Variants in PPP2R2C observed in about 807,000 individuals in gnomAD.
PPP2R2C encodes the protein protein phosphatase 2, regulatory subunit B, gamma.
PPP2R2C carries 10 observed loss-of-function variants against 45.3 expected under a neutral mutation model. That is an observed-to-expected ratio of 0.22 (90% confidence interval 0.14 to 0.37). The LOEUF is 0.37. Among genes scored for constraint, PPP2R2C ranks in the 10% least tolerant of loss-of-function variants. The pLI is 1.00. For missense variants in PPP2R2C, 308 were observed against 619.7 expected, an observed-to-expected ratio of 0.50 and a Z score of 5.34; for synonymous variants, 257 against 245.4, an observed-to-expected ratio of 1.05 and a Z score of -0.44.
At chr4:6,397,673 G>A (rs763437609) in intron 1 of PPP2R2C, among the ~76,000 whole-genome samples, 1 of 152,182 alleles carries the variant, frequency 6.6e-6, no homozygotes, top group African/African-American at 2.4e-5. Flanking sequence ...CCTACCAGGG[G>A]CAAGGCTCAC....
chr4:6,477,252 AG>A (rs1192051194), upstream of PPP2R2C, among the ~76,000 whole-genome samples: 1 of 152,178 alleles, frequency 6.6e-6, no homozygotes, highest in Non-Finnish European at 1.5e-5. Context: ...TCTCTTCAAA[AG>A]AAATTCTAGG....
rs747936921 is a variant in PPP2R2C at position 6,494,539 on chromosome 4, C to T, written c.49+40732G>A. On this transcript the variant is annotated intron_variant, in intron 2 of 9. Transcript: ENST00000506140. Reference sequence around the variant, plus strand: ...GAGACGGAGGGCCACCTGGACCACACGGGTGCCAGATGCCCAGAATACAAG... The same window carrying T: ...GAGACGGAGGGCCACCTGGACCACATGGGTGCCAGATGCCCAGAATACAAG... Among the ~76,000 whole-genome samples, 65 of 152,226 alleles carry T rather than the reference C, an allele frequency of 4.3e-4. 1 individual carries two copies. Among genetic ancestry groups the T allele is most frequent in the Non-Finnish European group, 4.1e-4 (28 of 68,040 alleles).
intron 1 of PPP2R2C, among the ~76,000 whole-genome samples, chr4:6,386,482 G>C (rs962586067): frequency 1.3e-5 from 2 of 152,232 alleles, no homozygotes; most frequent in Non-Finnish European, 2.9e-5. Context: ...ACTTCCAGCA[G>C]CTGCAACCCA....
chr4:6,341,626 T>A (rs952351038), intron 6 of PPP2R2C, among the ~76,000 whole-genome samples: 37 of 152,084 alleles, frequency 2.4e-4, no homozygotes, highest in African/African-American at 8.2e-4. Flanking sequence ...GCAGATGTCA[T>A]TAAGTGAAGG....
intron 1 of PPP2R2C, among the ~76,000 whole-genome samples, chr4:6,448,182 A>C (rs1720534493): frequency 6.6e-6 from 1 of 152,292 alleles, no homozygotes; most frequent in Admixed American, 6.5e-5. Context: ...GACTCCGTCA[A>C]AGCCCTTTGC....
At chr4:6,402,686 G>A (rs554365840) in intron 1 of PPP2R2C, among the ~76,000 whole-genome samples, 3 of 152,332 alleles carry the variant, frequency 2.0e-5, no homozygotes, top group South Asian at 2.1e-4. Flanking sequence ...CCAGGGCTGC[G>A]ATGGAGGGAG....
intron 1 of PPP2R2C, among the ~76,000 whole-genome samples, chr4:6,405,861 A>G (rs1717764593): frequency 6.6e-6 from 1 of 152,204 alleles, no homozygotes; most frequent in Non-Finnish European, 1.5e-5. Context: ...GGAGTCCAGA[A>G]AGAAAGGTTT....
chr4:6,389,489 G>T (rs1265567896), intron 1 of PPP2R2C, among the ~76,000 whole-genome samples: 2 of 152,178 alleles, frequency 1.3e-5, no homozygotes, highest in Admixed American at 6.5e-5. Flanking sequence ...AGGAAGGAGG[G>T]GTCCGCCTGC....
intron 2 of PPP2R2C, among the ~76,000 whole-genome samples, chr4:6,507,975 A>G (rs1428967242): frequency 1.3e-5 from 2 of 152,272 alleles, no homozygotes; most frequent in Non-Finnish European, 2.9e-5. Context: ...AGCAAAAAAC[A>G]ATGATGTAGC....
intron 1 of PPP2R2C, among the ~76,000 whole-genome samples, chr4:6,436,078 C>A (rs112709021): frequency 3.9e-5 from 6 of 152,150 alleles, no homozygotes; most frequent in Admixed American, 6.5e-5. Context: ...CCTTCTGCCA[C>A]GCAAGCACAC....
chr4:6,419,426 TA>T (rs1415952787), intron 1 of PPP2R2C, among the ~76,000 whole-genome samples: 1 of 141,072 alleles, frequency 7.1e-6, no homozygotes, highest in South Asian at 2.4e-4. Flanking sequence ...AGACTCTGTC[TA>T]AAAAAAGAAA....
intron 2 of PPP2R2C, among the ~76,000 whole-genome samples, chr4:6,511,780 A>T (rs147194296): frequency 0.13 from 1,525 of 11,970 alleles, 189 homozygotes; most frequent in Middle Eastern, 0.25. Flanking sequence ...GATGGTGGTA[A>T]TGGTGGTGGT....
intron 1 of PPP2R2C, among the ~76,000 whole-genome samples, chr4:6,406,605 A>T (rs933858141): frequency 1.3e-5 from 2 of 151,992 alleles, no homozygotes; most frequent in African/African-American, 4.8e-5. Context: ...AGCCAAAAAA[A>T]AAATAGCTGG....
At chr4:6,388,624 G>A (rs6836802) in intron 1 of PPP2R2C, among the ~76,000 whole-genome samples, 7,493 of 152,162 alleles carry the variant, frequency 0.049, 299 homozygotes, top group African/African-American at 0.11. Context: ...AGGGCAGGAC[G>A]GGCATGGTGG....
chr4:6,558,272 T>A (rs1410444181), intron 1 of PPP2R2C, among the ~76,000 whole-genome samples: 1 of 152,226 alleles, frequency 6.6e-6, no homozygotes, highest in Non-Finnish European at 1.5e-5. Flanking sequence ...AGCTGCCATC[T>A]GTGACCTGGG....
At chr4:6,436,244 A>C (rs1318698795) in intron 1 of PPP2R2C, among the ~76,000 whole-genome samples, 2 of 152,246 alleles carry the variant, frequency 1.3e-5, no homozygotes, top group African/African-American at 4.8e-5. Flanking sequence ...CTATAGCAGC[A>C]TGAACAGACT....
chr4:6,361,497 G>A (rs902355537), intron 5 of PPP2R2C, among the ~76,000 whole-genome samples: 2 of 152,228 alleles, frequency 1.3e-5, no homozygotes, highest in Admixed American at 6.5e-5. Flanking sequence ...AGAATGGGTT[G>A]ATAACTTCTG....
At chr4:6,561,610 C>T (rs893037797) in intron 1 of PPP2R2C, among the ~76,000 whole-genome samples, 2 of 152,124 alleles carry the variant, frequency 1.3e-5, no homozygotes, top group Admixed American at 6.5e-5. Flanking sequence ...GCTACACACA[C>T]GGAGAGAGAC....
At chr4:6,534,631 A>G (rs1724535835) in intron 2 of PPP2R2C, among the ~76,000 whole-genome samples, 1 of 151,932 alleles carries the variant, frequency 6.6e-6, no homozygotes, top group African/African-American at 2.4e-5. Flanking sequence ...ATGAACACAC[A>G]CATATCAACA....
Sources: allele counts gnomAD v4.1 joint callset (sites outside exome capture counted in the v4.1 genomes callset), GRCh38; gene constraint gnomAD v4.1.1; transcripts MANE v1.5; gene names NCBI Gene and HGNC (gene_info 2026-07-23, HGNC 2026-07-21).